MYBPC1: variants seen among roughly 807,000 people sequenced by gnomAD.
The protein encoded by MYBPC1 is myosin-binding protein C, slow-type.
Under a neutral mutation model 147.1 loss-of-function variants are expected in MYBPC1, and 52 were observed. That is an observed-to-expected ratio of 0.35 (90% CI 0.28 to 0.45). The LOEUF (loss-of-function observed/expected upper bound fraction) is 0.45. MYBPC1 is among the 20% of genes least tolerant of loss of function. The probability of loss-of-function intolerance (pLI) is 1.00; values close to 1 mark genes in which losing one functional copy is unlikely to be tolerated. For synonymous variants in MYBPC1, 477 were observed against 475.9 expected (o/e 1.00, Z -0.03); for missense variants, 1,228 against 1,440.3 (o/e 0.85, Z 2.39).
At chr12:101,679,637 C>A (rs947781664) in intron 28 of MYBPC1, among the ~76,000 whole-genome samples, 1 of 152,132 alleles carries the variant, frequency 6.6e-6, no homozygotes, top group Non-Finnish European at 1.5e-5. Context: ...CATTACTGAT[C>A]TTGCATTATC....
At chr12:101,626,335 A>G (rs1888604716) in intron 3 of MYBPC1, among the ~76,000 whole-genome samples, 1 of 152,182 alleles carries the variant, frequency 6.6e-6, no homozygotes, top group Non-Finnish European at 1.5e-5. Flanking sequence ...ACACCAATAT[A>G]ATGTTGGAAA....
In MYBPC1 at chr12:101,642,533, C is replaced by A. The variant is rs377746784; in HGVS notation, c.780C>A (p.Arg260=). The part of the protein sequence containing the change: ...IAFQYGITDL[R]GMLKRLKRMR... The stretch of plus-strand genomic sequence containing the variant: ...TCCAGTATGGAATCACCGACCTGCG[C>A]GGCATGCTCAAGCGACTCAAGCGCA... The change falls in exon 11 of 32, where the codon CGC becomes CGA. Residue 260 remains arginine (R), a synonymous_variant. Transcript: ENST00000361466. 3.1e-6 allele frequency: 5 copies of A among 1,613,474 alleles called. No individual in the cohort carries two copies. Among genetic ancestry groups the A allele is most frequent in the Non-Finnish European group, 4.2e-6 (5 of 1,179,758 alleles).
chr12:101,652,663 T>C lies in MYBPC1; in HGVS notation c.1527-15T>C. On this transcript the variant is annotated splice_polypyrimidine_tract_variant and intron_variant, in intron 16 of 31. Transcript: ENST00000361466. ...TCTTTGGAGTCTTAGAAATACATTT[T>C]CCTTGTTTCCTTAGGATCCACAAGT... The C allele has an allele frequency of 6.4e-7, 1 of 1,569,444 alleles. No individual in the cohort carries two copies.
At position 101,644,790 on chromosome 12, in the gene MYBPC1, G is replaced by A; in HGVS notation, c.959G>A (p.Ser320Asn). ...WYKNGQEIRP[S>N]TKYIFEHKGC... Reference sequence around the variant, plus strand: ...AAAAATGGTCAAGAAATTCGACCCAGTACCAAGTAAGTGGGCTTTGCAAAA... The same window carrying A: ...AAAAATGGTCAAGAAATTCGACCCAATACCAAGTAAGTGGGCTTTGCAAAA... Residue 320 changes from serine to asparagine, a missense_variant, in exon 12 of 32, where the codon AGT (serine) becomes AAT (asparagine). Transcript: ENST00000361466. 1 of 1,613,742 alleles carries A rather than the reference G, an allele frequency of 6.2e-7. No individual in the cohort carries two copies. The highest frequency in any genetic ancestry group is 8.5e-7 in the Non-Finnish European group (1 of 1,179,768).
intron 18 of MYBPC1, among the ~76,000 whole-genome samples, chr12:101,656,191 AAATT>A (rs1417096061): frequency 1.3e-5 from 2 of 152,150 alleles, no homozygotes; most frequent in Non-Finnish European, 2.9e-5. Flanking sequence ...AGAGGAAGTA[AAATT>A]AATATGCTAA....
Position 101,631,683 on chromosome 12 carries a change from C to T in MYBPC1, c.402C>T (p.His134=), listed in dbSNP as rs767875706. The T allele has an allele frequency of 3.1e-6, 5 of 1,614,216 alleles. No homozygotes were observed. The highest frequency in any genetic ancestry group is 4.2e-6 in the Non-Finnish European group (5 of 1,180,040). The change falls in exon 7 of 32, where the codon CAC becomes CAT. Residue 134 remains histidine (H), a synonymous_variant. Coordinates refer to ENST00000361466, the MANE Select transcript of MYBPC1 (RefSeq NM_002465.4). ...WMDLASKAGK[H]LQLKETFERH... Reference sequence around the variant, plus strand: ...ACCTGGCCAGCAAAGCCGGGAAGCACCTTCAGCTGAAGGAAACCTTTGAGA... The same window carrying T: ...ACCTGGCCAGCAAAGCCGGGAAGCATCTTCAGCTGAAGGAAACCTTTGAGA...
At chr12:101,694,538 T>A in the MYBPC1 span, among the ~76,000 whole-genome samples, 1 of 152,308 alleles carries the variant, frequency 6.6e-6, no homozygotes, top group South Asian at 2.1e-4. Context: ...ATAAGGACTT[T>A]ATAAGGAGAC....
At chr12:101,649,212 TCCTGAAGGA>T in intron 14 of MYBPC1, 39 bp from the exon 15 acceptor site, 1 of 1,552,986 alleles carries the variant, frequency 6.4e-7, no homozygotes, top group Admixed American at 1.7e-5. Flanking sequence ...AAGGTATTTT[TCCTGAAGGA>T]TCTTTTACAA....
chr12:101,644,896 A>T (rs1892747782), intron 12 of MYBPC1, 100 bp downstream of exon 12: 1 of 1,179,284 alleles, frequency 8.5e-7, no homozygotes, highest in East Asian at 2.6e-5. Flanking sequence ...TTATATTTTC[A>T]TAATACAAAA....
intron 22 of MYBPC1, among the ~76,000 whole-genome samples, chr12:101,667,480 G>T (rs758062908): frequency 2.0e-5 from 3 of 152,162 alleles, no homozygotes; most frequent in African/African-American, 7.2e-5. Flanking sequence ...GCTGAATAAA[G>T]ATTTTTCAGA....
chr12:101,599,588 C>G (rs768839632), intron 1 of MYBPC1, among the ~76,000 whole-genome samples: 1 of 152,040 alleles, frequency 6.6e-6, no homozygotes, highest in South Asian at 2.1e-4. Flanking sequence ...TTTCAAACAC[C>G]GAAATCAATT....
chr12:101,613,123 T>C (rs574372337), intron 1 of MYBPC1, among the ~76,000 whole-genome samples: 1 of 152,320 alleles, frequency 6.6e-6, no homozygotes, highest in Admixed American at 6.5e-5. Flanking sequence ...AAACAATAAA[T>C]TGGAGTTTAT....
At chr12:101,598,559 T>A (rs972564126) in intron 1 of MYBPC1, among the ~76,000 whole-genome samples, 1 of 152,080 alleles carries the variant, frequency 6.6e-6, no homozygotes, top group Non-Finnish European at 1.5e-5. Flanking sequence ...TTAACTGGAT[T>A]CCTTTAATTT....
intron 13 of MYBPC1, among the ~76,000 whole-genome samples, chr12:101,647,645 T>C (rs1393609201): frequency 1.3e-5 from 2 of 152,088 alleles, no homozygotes; most frequent in African/African-American, 4.8e-5. Flanking sequence ...ACCAGCACTT[T>C]GGGAGGCCAA....
At chr12:101,600,011 G>C (rs1286373109) in intron 1 of MYBPC1, among the ~76,000 whole-genome samples, 1 of 152,130 alleles carries the variant, frequency 6.6e-6, no homozygotes, top group Non-Finnish European at 1.5e-5. Context: ...ATAAAGGACT[G>C]GCCAATTCTT....
At chr12:101,605,044 G>A (rs1338130826) in intron 1 of MYBPC1, among the ~76,000 whole-genome samples, 1 of 152,156 alleles carries the variant, frequency 6.6e-6, no homozygotes, top group South Asian at 2.1e-4. Flanking sequence ...GAGGAGCTAG[G>A]GCCTTCTTCC....
chr12:101,678,372 T>C (rs1900518481), intron 28 of MYBPC1, 134 bp downstream of exon 28: 9 of 1,283,144 alleles, frequency 7.0e-6, no homozygotes, highest in Non-Finnish European at 9.0e-6. Context: ...GTGGTAGTGG[T>C]GGTAGATTAT....
intron 22 of MYBPC1, among the ~76,000 whole-genome samples, chr12:101,664,148 A>G (rs1897046230): frequency 6.6e-6 from 1 of 152,216 alleles, no homozygotes; most frequent in African/African-American, 2.4e-5. Context: ...TAAAACTGTA[A>G]TCAGTTTAAT....
chr12:101,619,951 T>G (rs1887004282), intron 3 of MYBPC1, among the ~76,000 whole-genome samples: 2 of 152,338 alleles, frequency 1.3e-5, no homozygotes, highest in Non-Finnish European at 2.9e-5. Context: ...ATCTTAGAAG[T>G]AGTATTTGTG....
Sources: allele counts gnomAD v4.1 joint callset (sites outside exome capture counted in the v4.1 genomes callset), GRCh38; gene constraint gnomAD v4.1.1; transcripts MANE v1.5; gene names NCBI Gene and HGNC (gene_info 2026-07-23, HGNC 2026-07-21).